The following FLRT2 variants were observed in gnomAD, a reference collection of about 807,000 sequenced individuals.
The protein encoded by FLRT2 is fibronectin leucine rich transmembrane protein 2, also known as leucine-rich repeat transmembrane protein FLRT2.
In FLRT2, 15 loss-of-function variants were observed where a neutral mutation model predicts 40.0. That is an observed-to-expected ratio of 0.38 (90% CI 0.25 to 0.58). The LOEUF is 0.58. Among genes scored for constraint, FLRT2 ranks in the 20% least tolerant of loss-of-function variants. The pLI, the probability that FLRT2 is intolerant of heterozygous loss-of-function variation, is 0.71. For synonymous variants in FLRT2, 380 were observed against 336.8 expected (o/e 1.13, Z -1.41); for missense variants, 726 against 840.0 (o/e 0.86, Z 1.68).
chr14:85,585,046 A>T (rs958582097), intron 1 of FLRT2, among the ~76,000 whole-genome samples: 4 of 152,098 alleles, frequency 2.6e-5, no homozygotes, highest in Non-Finnish European at 5.9e-5. Flanking sequence ...TGGCACCAAG[A>T]AATGGGGTGG....
At chr14:85,610,367 A>T (rs956127602) in intron 1 of FLRT2, among the ~76,000 whole-genome samples, 1 of 152,016 alleles carries the variant, frequency 6.6e-6, no homozygotes, top group Non-Finnish European at 1.5e-5. Flanking sequence ...CTACTTCATC[A>T]TTACTTCTCA....
At chr14:85,607,917 T>C (rs1417641392) in intron 1 of FLRT2, among the ~76,000 whole-genome samples, 1 of 151,992 alleles carries the variant, frequency 6.6e-6, no homozygotes, top group Non-Finnish European at 1.5e-5. Flanking sequence ...AGGGCTGGTT[T>C]CTTCCTAGGC....
Position 85,654,273 on chromosome 14 carries a change from T to C in FLRT2, c.*30776T>C, listed in dbSNP as rs759552476. On this transcript the variant is annotated 3_prime_UTR_variant, in exon 2 of 2. Transcript: ENST00000330753. ...TCTGTAAATAACTTTGTCTATGTAA[T>C]TGTAGTGTATACTTATTATTGACAA... is the stretch of plus-strand genomic sequence containing the variant. The C allele has an allele frequency of 6.6e-6, 1 of 152,142 alleles. No homozygotes were observed. Among genetic ancestry groups the C allele is most frequent in the African/African-American group, 2.4e-5 (1 of 41,450 alleles). 9.4% of individuals were successfully genotyped at this position (152,142 alleles called of 1,614,324 possible).
At chr14:85,583,340 A>T (rs1318084101) in intron 1 of FLRT2, among the ~76,000 whole-genome samples, 1 of 152,254 alleles carries the variant, frequency 6.6e-6, no homozygotes, top group African/African-American at 2.4e-5. Flanking sequence ...GAAATTCAAC[A>T]AACAGTCTTA....
intron 1 of FLRT2, among the ~76,000 whole-genome samples, chr14:85,545,213 G>C (rs1328534853): frequency 6.6e-6 from 1 of 152,016 alleles, no homozygotes; most frequent in Non-Finnish European, 1.5e-5. Context: ...AATAACAACA[G>C]TAACAACAAT....
At chr14:85,530,709 GCTCT>G (rs1169528631) in intron 1 of FLRT2, among the ~76,000 whole-genome samples, 175 bp downstream of exon 1, 1 of 151,962 alleles carries the variant, frequency 6.6e-6, no homozygotes, top group East Asian at 1.9e-4. Context: ...AGGCAGCTTA[GCTCT>G]CTCTCGACTT....
Position 85,632,343 on chromosome 14 carries a change from G to A in FLRT2, c.*8846G>A, listed in dbSNP as rs1013162260. ...AAAATTTAGCCGGGCTTGGTGGTGCGTGCCTGTAGTCCCAGCTACTCAGGA... is the reference window on the plus strand; with the variant it reads ...AAAATTTAGCCGGGCTTGGTGGTGCATGCCTGTAGTCCCAGCTACTCAGGA... On this transcript the variant is annotated 3_prime_UTR_variant, in exon 2 of 2. Coordinates refer to ENST00000330753, the MANE Select transcript of FLRT2 (RefSeq NM_013231.6). 1.3e-5 allele frequency: 2 copies of A among 151,476 alleles called. No homozygotes were observed. Among genetic ancestry groups the A allele is most frequent in the Non-Finnish European group, 2.9e-5 (2 of 67,986 alleles). 9.4% of individuals were successfully genotyped at this position (151,476 alleles called of 1,614,324 possible).
At chr14:85,597,034 A>G (rs1411668850) in intron 1 of FLRT2, among the ~76,000 whole-genome samples, 1 of 152,182 alleles carries the variant, frequency 6.6e-6, no homozygotes, top group African/African-American at 2.4e-5. Flanking sequence ...AAAAATAGAG[A>G]GGAACACCAG....
At position 85,622,704 on chromosome 14, in the gene FLRT2, C is replaced by T; in HGVS notation, c.1190C>T (p.Pro397Leu). 2 of 1,614,094 alleles carry T rather than the reference C, an allele frequency of 1.2e-6. No individual in the cohort carries two copies. The highest frequency in any genetic ancestry group is 1.7e-6 in the Non-Finnish European group (2 of 1,180,014). Residue 397 changes from proline (P) to leucine (L), a missense_variant, in exon 2 of 2, where the codon CCT becomes CTT. Transcript: ENST00000330753. The part of the protein sequence containing the change: ...SIPNPSRSYT[P>L]PTPTTSKLPT... The stretch of plus-strand genomic sequence containing the variant: ...CCAAACCCTAGCAGAAGCTACACGC[C>T]TCCAACTCCTACCACATCGAAACTT...
intron 1 of FLRT2, among the ~76,000 whole-genome samples, chr14:85,566,636 G>T (rs4127747): frequency 0.84 from 126,862 of 151,138 alleles, 53,562 homozygotes; most frequent in African/African-American, 0.92. Flanking sequence ...GCAATATTTC[G>T]TATTCTTCAG....
intron 1 of FLRT2, among the ~76,000 whole-genome samples, chr14:85,566,788 G>A (rs200776870): frequency 2.3e-4 from 27 of 118,444 alleles, no homozygotes; most frequent in Admixed American, 8.4e-4. Flanking sequence ...AAAAAAAAAA[G>A]AACATATCCC....
At chr14:85,534,462 C>G (rs1452110840) in intron 1 of FLRT2, among the ~76,000 whole-genome samples, 1 of 152,198 alleles carries the variant, frequency 6.6e-6, no homozygotes, top group African/African-American at 2.4e-5. Flanking sequence ...ATATCCTTTC[C>G]CCTTTTGACA....
intron 1 of FLRT2, among the ~76,000 whole-genome samples, chr14:85,616,326 A>C (rs897239856): frequency 6.6e-6 from 1 of 152,072 alleles, no homozygotes; most frequent in African/African-American, 2.4e-5. Flanking sequence ...AAGACAAAAA[A>C]AAAAAAAACC....
intron 1 of FLRT2, among the ~76,000 whole-genome samples, chr14:85,543,965 C>A (rs961728513): frequency 2.6e-5 from 4 of 152,202 alleles, no homozygotes; most frequent in Non-Finnish European, 5.9e-5. Flanking sequence ...CCATTCATTT[C>A]ATCTCTGTGG....
In FLRT2 at chr14:85,653,469, C is replaced by T. The variant is rs1894480801; in HGVS notation, c.*29972C>T. 6.6e-6 allele frequency: 1 copy of T among 152,160 alleles called. No individual in the cohort carries two copies. Among genetic ancestry groups the T allele is most frequent in the East Asian group, 1.9e-4 (1 of 5,198 alleles). 9.4% of individuals were successfully genotyped at this position (152,160 alleles called of 1,614,324 possible). A position where few individuals can be genotyped will look rare whatever the true frequency, so the allele number is the denominator to read the frequency against. On this transcript the variant is annotated 3_prime_UTR_variant, in exon 2 of 2. Transcript: ENST00000330753. ...TCCTAGCAAGTGATCTCTAGCATCT[C>T]AATTTAACTGTATCCTTTGGAGATT... is the stretch of plus-strand genomic sequence containing the variant.
In FLRT2 at chr14:85,637,163, T is replaced by C. The variant is rs1894029322; in HGVS notation, c.*13666T>C. ...GGGTACAAATGTAACTAATCAAGTG[T>C]AATTTATAAACTATAAAAAATTTTC... On this transcript the variant is annotated 3_prime_UTR_variant, in exon 2 of 2. Transcript: ENST00000330753. The C allele has an allele frequency of 6.6e-6, 1 of 152,158 alleles. No individual in the cohort carries two copies. Among genetic ancestry groups the C allele is most frequent in the Admixed American group, 6.6e-5 (1 of 15,264 alleles). The allele number at this position is 152,158 out of a possible 1,614,324, so 9.4% of individuals were successfully genotyped here. A position where few individuals can be genotyped will look rare whatever the true frequency, so the allele number is the denominator to read the frequency against.
rs1566774573 is a variant in FLRT2 at position 85,643,367 on chromosome 14, C to CTTTCTTTCTT, written c.*19872_*19873insTCTTTCTTTT. The CTTTCTTTCTT allele has an allele frequency of 8.5e-6, 1 of 118,172 alleles. No homozygotes were observed. The allele number at this position is 118,172 out of a possible 1,614,324, so 7.3% of individuals were successfully genotyped here. On this transcript the variant is annotated 3_prime_UTR_variant, in exon 2 of 2. Transcript: ENST00000330753. ...TCTTTCTTTCTTTCTTCCTTCCTTC[C>CTTTCTTTCTT]TTCCTTCCTTTCTTTCCTTTCTCCT... is the stretch of plus-strand genomic sequence containing the variant.
intron 1 of FLRT2, among the ~76,000 whole-genome samples, chr14:85,557,846 A>G (rs1280095331): frequency 6.6e-6 from 1 of 152,142 alleles, no homozygotes; most frequent in Non-Finnish European, 1.5e-5. Flanking sequence ...TAATTAATTA[A>G]TTAACAAAAG....
intron 1 of FLRT2, among the ~76,000 whole-genome samples, chr14:85,544,833 T>G (rs1184562026): frequency 6.6e-6 from 1 of 152,226 alleles, no homozygotes; most frequent in Non-Finnish European, 1.5e-5. Flanking sequence ...TTGACTTGCA[T>G]GCAAGTGGTG....
Sources: allele counts gnomAD v4.1 joint callset (sites outside exome capture counted in the v4.1 genomes callset), GRCh38; gene constraint gnomAD v4.1.1; transcripts MANE v1.5; gene names NCBI Gene and HGNC (gene_info 2026-07-23, HGNC 2026-07-21).